The following PIK3C2G variants were observed in gnomAD, a reference collection of about 807,000 sequenced individuals.
PIK3C2G encodes the protein phosphatidylinositol-4-phosphate 3-kinase catalytic subunit type 2 gamma.
A neutral mutation model predicts 181.1 loss-of-function variants in PIK3C2G; 168 were observed. The observed-to-expected ratio is 0.93, with a 90% confidence interval of 0.82 to 1.05. The LOEUF (loss-of-function observed/expected upper bound fraction) is 1.05. Among genes scored for constraint, PIK3C2G ranks in the 50% least tolerant of loss-of-function variants. PIK3C2G has a pLI of 0.00. For missense variants in PIK3C2G, 1,869 were observed against 1,732.8 expected, an observed-to-expected ratio of 1.08 and a Z score of -1.40; for synonymous variants, 573 against 592.2, an observed-to-expected ratio of 0.97 and a Z score of 0.47.
chr12:18,699,569 A>T, the PIK3C2G span, among the ~76,000 whole-genome samples: 1 of 152,142 alleles, frequency 6.6e-6, no homozygotes, highest in African/African-American at 2.4e-5. Flanking sequence ...CACATCGGAC[A>T]TTCTCAATCA....
intron 8 of PIK3C2G, among the ~76,000 whole-genome samples, chr12:18,328,562 G>A (rs1443968423): frequency 6.6e-6 from 1 of 151,932 alleles, no homozygotes; most frequent in African/African-American, 2.4e-5. Flanking sequence ...TAGGAGCAGA[G>A]ATTCCAAAGT....
upstream of PIK3C2G, among the ~76,000 whole-genome samples, chr12:18,260,536 T>C (rs113400444): frequency 1.3e-3 from 201 of 152,154 alleles, no homozygotes; most frequent in African/African-American, 4.7e-3. Context: ...GGGGATGGTG[T>C]TGTACAATTG....
At chr12:18,550,598 T>A (rs543007909) in intron 26 of PIK3C2G, among the ~76,000 whole-genome samples, 1 of 152,044 alleles carries the variant, frequency 6.6e-6, no homozygotes, top group African/African-American at 2.4e-5. Flanking sequence ...AATTCATAGA[T>A]AGATAATTGA....
At chr12:18,577,285 C>T (rs894495623) in intron 29 of PIK3C2G, among the ~76,000 whole-genome samples, 3 of 152,108 alleles carry the variant, frequency 2.0e-5, no homozygotes, top group Admixed American at 2.0e-4. Flanking sequence ...AATATTGTTG[C>T]CCATCATACT....
At chr12:18,427,052 A>T (rs1452583412) in intron 18 of PIK3C2G, among the ~76,000 whole-genome samples, 1 of 151,960 alleles carries the variant, frequency 6.6e-6, no homozygotes, top group Non-Finnish European at 1.5e-5. Flanking sequence ...TAAATGTAAG[A>T]CTCCATTAAA....
upstream of PIK3C2G, among the ~76,000 whole-genome samples, chr12:18,257,700 A>G (rs140593234): frequency 1.6e-3 from 240 of 148,610 alleles, no homozygotes; most frequent in African/African-American, 5.6e-3. Context: ...AAAAGAAAGA[A>G]GACAAAGGAG....
In PIK3C2G at chr12:18,399,844, C is replaced by A. The variant is rs1009768371; in HGVS notation, c.2312C>A (p.Ser771Tyr). ...TTAGAGGCTCTTGGGCTTTTGACTTCCAGGTAAGAATTGCATAACAAGCAT... is the reference window on the plus strand; with the variant it reads ...TTAGAGGCTCTTGGGCTTTTGACTTACAGGTAAGAATTGCATAACAAGCAT... ...QPLEALGLLT[S>Y]SFPDQEIRKV... Residue 771 changes from serine to tyrosine, a missense_variant, in exon 16 of 33, where the codon TCC (serine) becomes TAC (tyrosine). Ser to Tyr is a moderately radical substitution (Grantham distance 144, BLOSUM62 -2). Transcript: ENST00000538779. The A allele has an allele frequency of 6.4e-7, 1 of 1,566,110 alleles. No homozygotes were observed. Among genetic ancestry groups the A allele is most frequent in the Non-Finnish European group, 8.7e-7 (1 of 1,147,192 alleles).
intron 31 of PIK3C2G, among the ~76,000 whole-genome samples, chr12:18,618,000 AT>A (rs1197783315): frequency 2.0e-5 from 3 of 152,204 alleles, no homozygotes; most frequent in African/African-American, 7.2e-5. Flanking sequence ...ATGAAAATAT[AT>A]TTTTTAAAAC....
intron 13 of PIK3C2G, 129 bp downstream of exon 13, chr12:18,371,440 T>C (rs1942055680): frequency 1.3e-6 from 1 of 749,918 alleles, no homozygotes; most frequent in African/African-American, 1.8e-5. Context: ...TAGTTCAATA[T>C]AAATCGTGAC....
chr12:18,317,937 G>A (rs181583163), intron 6 of PIK3C2G, among the ~76,000 whole-genome samples: 11 of 152,358 alleles, frequency 7.2e-5, no homozygotes, highest in Admixed American at 2.6e-4. Flanking sequence ...CCTGCACTTA[G>A]TATGACTACC....
intron 26 of PIK3C2G, among the ~76,000 whole-genome samples, chr12:18,559,817 TATATAGAGAGAGAGAGAG>T (rs1401809143): frequency 7.2e-4 from 16 of 22,164 alleles, no homozygotes; most frequent in African/African-American, 1.1e-3. Context: ...TATATATATA[TATATAGAGAGAGAGAGAG>T]AGAGAGAGAG....
intron 12 of PIK3C2G, among the ~76,000 whole-genome samples, chr12:18,370,097 C>G (rs569535715): frequency 6.6e-6 from 1 of 152,026 alleles, no homozygotes; most frequent in Admixed American, 6.5e-5. Flanking sequence ...AGAACCTGAT[C>G]ATATAATTCT....
chr12:18,332,045 T>G (rs1161102749), intron 8 of PIK3C2G, among the ~76,000 whole-genome samples: 1 of 152,200 alleles, frequency 6.6e-6, no homozygotes, highest in Non-Finnish European at 1.5e-5. Context: ...ACTAATATTT[T>G]GTTAAGGATA....
At chr12:18,606,812 G>T (rs559772101) in intron 30 of PIK3C2G, among the ~76,000 whole-genome samples, 6 of 151,990 alleles carry the variant, frequency 3.9e-5, no homozygotes, top group African/African-American at 1.2e-4. Flanking sequence ...TACAACCAAA[G>T]ATTATAAGGG....
chr12:18,372,216 G>A lies in PIK3C2G; in HGVS notation c.1880+905G>A, dbSNP rs138745875. ...GTGTATGTGTGTGTGTGTGTGTGTG[G>A]GCACGTGTGTGTGTGTTGTTCTGTT... On this transcript the variant is annotated intron_variant, in intron 13 of 32. Coordinates refer to ENST00000538779, the MANE Select transcript of PIK3C2G (RefSeq NM_001288772.2). Among the ~76,000 whole-genome samples, 1,156 of 150,924 alleles carry A rather than the reference G, an allele frequency of 7.7e-3. 13 individuals carry two copies. Among genetic ancestry groups the A allele is most frequent in the African/African-American group, 0.027 (1,100 of 41,208 alleles).
intron 12 of PIK3C2G, among the ~76,000 whole-genome samples, chr12:18,370,409 G>C (rs181358397): frequency 3.2e-4 from 48 of 152,234 alleles, no homozygotes; most frequent in African/African-American, 9.9e-4. Context: ...GGAGAGTCTT[G>C]ACCTTATCAT....
chr12:18,244,429 T>A (rs1054580058), upstream of PIK3C2G, among the ~76,000 whole-genome samples: 9 of 152,016 alleles, frequency 5.9e-5, no homozygotes, highest in Non-Finnish European at 1.2e-4. Flanking sequence ...TTAAAAGGTA[T>A]AATAAAACAG....
chr12:18,607,472 G>T (rs1948088928), intron 30 of PIK3C2G, among the ~76,000 whole-genome samples: 1 of 152,068 alleles, frequency 6.6e-6, no homozygotes. Flanking sequence ...TTTAATAAAT[G>T]GTGCTGGGAA....
downstream of PIK3C2G, among the ~76,000 whole-genome samples, chr12:18,649,151 T>C (rs1950312397): frequency 6.6e-6 from 1 of 152,114 alleles, no homozygotes. Flanking sequence ...CACCCTTCTG[T>C]CTGCTGAAAC....
Sources: allele counts gnomAD v4.1 joint callset (sites outside exome capture counted in the v4.1 genomes callset), GRCh38; gene constraint gnomAD v4.1.1; transcripts MANE v1.5; gene names NCBI Gene and HGNC (gene_info 2026-07-23, HGNC 2026-07-21).